Variants in ADCY2 observed in about 807,000 individuals in gnomAD.
The protein encoded by ADCY2 is adenylate cyclase type 2.
A neutral mutation model predicts 125.2 loss-of-function variants in ADCY2; 31 were observed. The observed-to-expected ratio is 0.25, with a 90% confidence interval of 0.19 to 0.33. The LOEUF is 0.33. Among genes scored for constraint, ADCY2 ranks in the 10% least tolerant of loss-of-function variants. The probability of loss-of-function intolerance (pLI) is 1.00; values close to 1 mark genes in which losing one functional copy is unlikely to be tolerated. For synonymous variants in ADCY2, 512 were observed against 548.4 expected, an observed-to-expected ratio of 0.93 and a Z score of 0.93; for missense variants, 904 against 1,418.2, an observed-to-expected ratio of 0.64 and a Z score of 5.82.
intron 20 of ADCY2, 109 bp downstream of exon 20, chr5:7,789,909 C>T (rs962482306): frequency 1.2e-6 from 1 of 842,098 alleles, no homozygotes; most frequent in Non-Finnish European, 1.8e-6. Context: ...CTTCACACAT[C>T]TGAGTGTTCA....
At chr5:7,400,062 C>G (rs1395326982) in intron 1 of ADCY2, among the ~76,000 whole-genome samples, 1 of 151,876 alleles carries the variant, frequency 6.6e-6, no homozygotes, top group Non-Finnish European at 1.5e-5. Context: ...CAGCTGTTTT[C>G]AAAATTTGCC....
chr5:7,757,257 T>G (rs1743022557), intron 15 of ADCY2, among the ~76,000 whole-genome samples, 192 bp from the exon 16 acceptor site: 1 of 152,206 alleles, frequency 6.6e-6, no homozygotes, highest in Non-Finnish European at 1.5e-5. Context: ...TGTTCTCAAT[T>G]GGTAGCAATG....
At chr5:7,553,723 G>A (rs1735413739) in intron 3 of ADCY2, among the ~76,000 whole-genome samples, 1 of 152,138 alleles carries the variant, frequency 6.6e-6, no homozygotes, top group African/African-American at 2.4e-5. Flanking sequence ...AGGGCTTGGC[G>A]AGATGGCCTT....
intron 3 of ADCY2, among the ~76,000 whole-genome samples, chr5:7,542,312 G>C (rs1456097271): frequency 6.6e-6 from 1 of 151,770 alleles, no homozygotes; most frequent in Non-Finnish European, 1.5e-5. Flanking sequence ...TTTGTCACAG[G>C]GTCCATAACT....
At chr5:7,704,145 T>C in intron 7 of ADCY2, among the ~76,000 whole-genome samples, 1 of 152,118 alleles carries the variant, frequency 6.6e-6, no homozygotes, top group Non-Finnish European at 1.5e-5. Flanking sequence ...TCCCATTCAT[T>C]GAGCCGTGCG....
intron 2 of ADCY2, among the ~76,000 whole-genome samples, chr5:7,459,012 A>C (rs555957407): frequency 5.9e-5 from 9 of 152,142 alleles, no homozygotes; most frequent in African/African-American, 2.2e-4. Context: ...GGCTTAAATC[A>C]TGAAGATGCG....
chr5:7,515,770 C>A (rs1041355362), intron 2 of ADCY2, among the ~76,000 whole-genome samples: 6 of 152,170 alleles, frequency 3.9e-5, no homozygotes, highest in Non-Finnish European at 5.9e-5. Context: ...ATGTGAGGTA[C>A]TGTCCTGGGC....
At chr5:7,533,678 G>T (rs1345587420) in intron 3 of ADCY2, among the ~76,000 whole-genome samples, 1 of 152,038 alleles carries the variant, frequency 6.6e-6, no homozygotes, top group Non-Finnish European at 1.5e-5. Context: ...TTGCTAATTT[G>T]GTTGGGATTT....
chr5:7,706,624 T>C, intron 7 of ADCY2, 120 bp from the exon 8 acceptor site: 1 of 1,185,776 alleles, frequency 8.4e-7, no homozygotes, highest in Non-Finnish European at 1.2e-6. Context: ...CATAGGAAGG[T>C]TTATGGTCAT....
At chr5:7,577,042 C>T (rs1412946956) in intron 3 of ADCY2, among the ~76,000 whole-genome samples, 1 of 152,158 alleles carries the variant, frequency 6.6e-6, no homozygotes, top group Non-Finnish European at 1.5e-5. Flanking sequence ...TTCCTTCCTC[C>T]CTGATTTGCC....
At chr5:7,619,667 A>G (rs1052904026) in intron 3 of ADCY2, among the ~76,000 whole-genome samples, 3 of 152,290 alleles carry the variant, frequency 2.0e-5, no homozygotes, top group East Asian at 3.9e-4. Context: ...CCCTGAAGCT[A>G]AGATTGTTCT....
At chr5:7,491,557 A>T (rs1743165111) in intron 2 of ADCY2, among the ~76,000 whole-genome samples, 1 of 152,156 alleles carries the variant, frequency 6.6e-6, no homozygotes. Context: ...TTTTACTTTG[A>T]AGAATCATTT....
chr5:7,464,940 C>T (rs1742048376), intron 2 of ADCY2, among the ~76,000 whole-genome samples: 1 of 152,124 alleles, frequency 6.6e-6, no homozygotes, highest in East Asian at 1.9e-4. Flanking sequence ...TTCTATGTGG[C>T]TATGGAGGCC....
chr5:7,524,824 T>G (rs1734401713), intron 3 of ADCY2, among the ~76,000 whole-genome samples: 1 of 152,170 alleles, frequency 6.6e-6, no homozygotes. Context: ...TCCATCCAAC[T>G]CTTTCACATA....
chr5:7,684,569 C>T (rs944390498), intron 4 of ADCY2, among the ~76,000 whole-genome samples: 6 of 152,192 alleles, frequency 3.9e-5, no homozygotes, highest in Admixed American at 1.3e-4. Context: ...GAAGAGTCAT[C>T]GCATGTGAGT....
intron 22 of ADCY2, 82 bp downstream of exon 22, chr5:7,804,774 A>G: frequency 2.1e-6 from 2 of 966,492 alleles, no homozygotes; most frequent in Non-Finnish European, 3.3e-6. Flanking sequence ...CAGCCATGAA[A>G]TGCCCCAAGA....
At chr5:7,728,807 C>T (rs1359070217) in intron 14 of ADCY2, among the ~76,000 whole-genome samples, 8 of 152,146 alleles carry the variant, frequency 5.3e-5, no homozygotes, top group African/African-American at 1.4e-4. Context: ...GGATCTGTCA[C>T]CTACTGGGAG....
chr5:7,672,624 CGAGTAGCTGGGATTACAGGT>C, intron 4 of ADCY2, among the ~76,000 whole-genome samples: 1 of 152,234 alleles, frequency 6.6e-6, no homozygotes, highest in South Asian at 2.1e-4. Context: ...CTCAGCCTCC[CGAGTAGCTGGGATTACAGGT>C]GTGAGCTACC....
At chr5:7,424,209 A>G (rs957004582) in intron 2 of ADCY2, among the ~76,000 whole-genome samples, 1 of 152,266 alleles carries the variant, frequency 6.6e-6, no homozygotes, top group Non-Finnish European at 1.5e-5. Flanking sequence ...GCATCTGTGC[A>G]CTTGCCCCTT....
Sources: gnomAD v4.1 joint callset for allele counts (sites outside exome capture counted in the v4.1 genomes callset) on GRCh38, gnomAD v4.1.1 for gene constraint, MANE v1.5 for transcripts, NCBI Gene and HGNC (gene_info 2026-07-23, HGNC 2026-07-21) for gene names.